Variants in KCNH7 observed in about 807,000 individuals in gnomAD.
KCNH7 encodes the protein potassium voltage-gated channel subfamily H member 7.
A neutral mutation model predicts 120.8 loss-of-function variants in KCNH7; 49 were observed. That is an observed-to-expected ratio of 0.41 (90% CI 0.32 to 0.51). The LOEUF (loss-of-function observed/expected upper bound fraction) is 0.51. Ranked by LOEUF, KCNH7 falls within the 20% of genes least tolerant of loss-of-function variation. The pLI is 0.38. For synonymous variants in KCNH7, 547 were observed against 516.1 expected, an observed-to-expected ratio of 1.06 and a Z score of -0.81; for missense variants, 1,097 against 1,446.6, an observed-to-expected ratio of 0.76 and a Z score of 3.92.
chr2:162,455,009 T>C (rs1688911183), intron 6 of KCNH7, among the ~76,000 whole-genome samples: 1 of 152,126 alleles, frequency 6.6e-6, no homozygotes, highest in Non-Finnish European at 1.5e-5. Flanking sequence ...CATCCTTGTC[T>C]TGTGTCAGTT....
chr2:162,632,690 T>C (rs1219840373), intron 2 of KCNH7, among the ~76,000 whole-genome samples: 3 of 151,766 alleles, frequency 2.0e-5, no homozygotes, highest in African/African-American at 7.2e-5. Flanking sequence ...GACCTATAAA[T>C]ACATATAAAT....
At chr2:162,533,502 A>G (rs1323264335) in intron 3 of KCNH7, among the ~76,000 whole-genome samples, 1 of 151,794 alleles carries the variant, frequency 6.6e-6, no homozygotes, top group Non-Finnish European at 1.5e-5. Flanking sequence ...AAAATGGAAA[A>G]AAGAAAAGAC....
At chr2:162,373,959 G>A (rs74385381) in intron 14 of KCNH7, among the ~76,000 whole-genome samples, 9 of 152,178 alleles carry the variant, frequency 5.9e-5, no homozygotes, top group Non-Finnish European at 1.0e-4. Flanking sequence ...AAAACACACT[G>A]ACAATTTATT....
At chr2:162,545,391 C>T (rs1312528657) in intron 2 of KCNH7, among the ~76,000 whole-genome samples, 2 of 152,148 alleles carry the variant, frequency 1.3e-5, no homozygotes, top group Admixed American at 6.5e-5. Flanking sequence ...TTGTGTCCTG[C>T]TCCCTCCCTA....
intron 2 of KCNH7, among the ~76,000 whole-genome samples, chr2:162,665,196 T>C (rs1204904130): frequency 6.6e-6 from 1 of 152,164 alleles, no homozygotes; most frequent in Non-Finnish European, 1.5e-5. Flanking sequence ...ACACAGATGA[T>C]TTAAAATAAT....
chr2:162,827,635 A>G (rs529439722), intron 2 of KCNH7, among the ~76,000 whole-genome samples: 15 of 152,274 alleles, frequency 9.9e-5, no homozygotes, highest in African/African-American at 3.4e-4. Flanking sequence ...TGGATAATCA[A>G]TAGAATCTAT....
chr2:162,630,067 T>C (rs1453918508), intron 2 of KCNH7, among the ~76,000 whole-genome samples: 1 of 151,990 alleles, frequency 6.6e-6, no homozygotes, highest in Non-Finnish European at 1.5e-5. Flanking sequence ...CTAAATGAAA[T>C]GGATATGAAG....
intron 2 of KCNH7, chr2:162,797,164 A>G (rs1050219172): frequency 6.6e-6 from 1 of 152,076 alleles, no homozygotes; most frequent in African/African-American, 2.4e-5. Context: ...ATGGCCACCA[A>G]TGACTGCAGT....
intron 2 of KCNH7, among the ~76,000 whole-genome samples, chr2:162,799,141 G>A (rs527509385): frequency 2.0e-5 from 3 of 152,012 alleles, no homozygotes; most frequent in Admixed American, 2.0e-4. Flanking sequence ...TTTTTAAGTA[G>A]TAGGCAAAGC....
chr2:162,495,684 T>C (rs1690473395), intron 6 of KCNH7, among the ~76,000 whole-genome samples: 2 of 152,190 alleles, frequency 1.3e-5, no homozygotes, highest in Non-Finnish European at 2.9e-5. Context: ...ATCTCATCAG[T>C]TGTTTTCAAG....
chr2:162,738,639 AAAG>A (rs2105405159), intron 2 of KCNH7, among the ~76,000 whole-genome samples: 1 of 152,328 alleles, frequency 6.6e-6, no homozygotes, highest in Non-Finnish European at 1.5e-5. Flanking sequence ...AAGCTCAAAA[AAAG>A]AAAATCAGTG....
At chr2:162,656,396 G>C (rs1684764393) in intron 2 of KCNH7, among the ~76,000 whole-genome samples, 1 of 152,166 alleles carries the variant, frequency 6.6e-6, no homozygotes, top group Non-Finnish European at 1.5e-5. Flanking sequence ...GTATAGAAAT[G>C]TGTCTCAAAT....
intron 2 of KCNH7, among the ~76,000 whole-genome samples, chr2:162,718,530 T>C (rs539804603): frequency 1.3e-5 from 2 of 152,078 alleles, no homozygotes; most frequent in East Asian, 1.9e-4. Flanking sequence ...AGCTTATACA[T>C]TCTTCATCAA....
At position 162,634,411 on chromosome 2, in the gene KCNH7, A is replaced by G. The variant is rs138424844; in HGVS notation, c.308-97331T>C. On this transcript the variant is annotated intron_variant, in intron 2 of 15. Transcript: ENST00000332142. ...GACAAGGGACATATTGACAAAGGGC[A>G]GAAAAAATATTGGTACTTAACTATA... 8.1e-4 allele frequency among the ~76,000 whole-genome samples: 124 copies of G among 152,192 alleles called. 1 individual carries two copies. Among genetic ancestry groups the G allele is most frequent in the African/African-American group, 2.8e-3 (118 of 41,560 alleles).
Position 162,530,319 on chromosome 2 carries a change from T to A in KCNH7, c.463+6606A>T, listed in dbSNP as rs1218918385. On this transcript the variant is annotated intron_variant, in intron 3 of 15. Coordinates refer to ENST00000332142, the MANE Select transcript of KCNH7 (RefSeq NM_033272.4). ...TGAAGCTATGCTTCTTGTGTAGTCA[T>A]GTCACATCTTTTCCTTTATTTTGTC... Among the ~76,000 whole-genome samples, 6 of 152,190 alleles carry A rather than the reference T, an allele frequency of 3.9e-5. No homozygotes were observed. The East Asian group carries it at 1.2e-3, about 30-fold the overall frequency.
At chr2:162,578,978 G>C (rs1030046179) in intron 2 of KCNH7, among the ~76,000 whole-genome samples, 1 of 151,008 alleles carries the variant, frequency 6.6e-6, no homozygotes, top group Non-Finnish European at 1.5e-5. Context: ...TTATGTCTAC[G>C]CATCTACTGA....
intron 13 of KCNH7, 143 bp downstream of exon 13, chr2:162,384,545 T>C: frequency 1.2e-6 from 1 of 827,964 alleles, no homozygotes; most frequent in Admixed American, 2.5e-5. Flanking sequence ...ATGGATGATC[T>C]GAAATCTGAA....
intron 2 of KCNH7, among the ~76,000 whole-genome samples, chr2:162,604,454 A>G (rs943950613): frequency 5.3e-5 from 8 of 152,044 alleles, no homozygotes; most frequent in Admixed American, 2.0e-4. Context: ...CACGGTTTCA[A>G]TGACCTCCTA....
At chr2:162,538,254 T>C (rs534267408) in intron 2 of KCNH7, among the ~76,000 whole-genome samples, 22 of 152,170 alleles carry the variant, frequency 1.4e-4, no homozygotes, top group African/African-American at 4.8e-4. Context: ...GCTCATCAGC[T>C]ATCGTTAGCA....
Sources: gnomAD v4.1 joint callset for allele counts (sites outside exome capture counted in the v4.1 genomes callset) on GRCh38, gnomAD v4.1.1 for gene constraint, MANE v1.5 for transcripts, NCBI Gene and HGNC (gene_info 2026-07-23, HGNC 2026-07-21) for gene names.